Variants in MAPK10 observed in about 807,000 individuals in gnomAD.
MAPK10 encodes the protein mitogen-activated protein kinase 10, also known as JNK3 alpha protein kinase.
MAPK10 carries 25 observed loss-of-function variants against 59.3 expected under a neutral mutation model. The ratio of observed to expected loss-of-function variants is 0.42; its 90% CI spans 0.31 to 0.59. The LOEUF (loss-of-function observed/expected upper bound fraction) is 0.59. Among genes scored for constraint, MAPK10 ranks in the 20% least tolerant of loss-of-function variants. The probability of loss-of-function intolerance (pLI) is 0.15; values close to 1 mark genes in which losing one functional copy is unlikely to be tolerated. For synonymous variants in MAPK10, 190 were observed against 200.5 expected, an observed-to-expected ratio of 0.95 and a Z score of 0.44; for missense variants, 351 against 568.9, an observed-to-expected ratio of 0.62 and a Z score of 3.90.
intron 4 of MAPK10, among the ~76,000 whole-genome samples, chr4:86,130,489 G>A (rs750336844): frequency 3.7e-4 from 57 of 152,034 alleles, no homozygotes; most frequent in Non-Finnish European, 1.9e-4. Context: ...CTTATTTTAA[G>A]GAAATATAGA....
At chr4:86,353,462 C>T (rs1383978596) in intron 2 of MAPK10, among the ~76,000 whole-genome samples, 1 of 152,048 alleles carries the variant, frequency 6.6e-6, no homozygotes, top group Non-Finnish European at 1.5e-5. Flanking sequence ...TATAAAATTG[C>T]CCTTATTTTA....
Position 86,095,945 on chromosome 4 carries a change from A to G in MAPK10, c.802+2579T>C, listed in dbSNP as rs551456075. On this transcript the variant is annotated intron_variant, in intron 9 of 13. Coordinates refer to ENST00000641462, the MANE Select transcript of MAPK10 (RefSeq NM_138982.4). ...TTTCTAACCTATTTCATTGGAAAAT[A>G]TCTACTCATTTTTTGGTAAAATTTA... is the stretch of plus-strand genomic sequence containing the variant. 2.0e-5 allele frequency among the ~76,000 whole-genome samples: 3 copies of G among 151,904 alleles called. No individual in the cohort carries two copies. In the South Asian group the frequency reaches 6.2e-4, roughly 31 times the overall value.
chr4:86,577,506 A>C (rs2149110794), intron 1 of MAPK10, among the ~76,000 whole-genome samples: 1 of 152,278 alleles, frequency 6.6e-6, no homozygotes, highest in Admixed American at 6.5e-5. Context: ...TACATATTAG[A>C]GTAGGAGAAT....
chr4:86,375,713 TAA>T (rs56189009), intron 1 of MAPK10, among the ~76,000 whole-genome samples: 449 of 33,266 alleles, frequency 0.013, 1 homozygote, highest in African/African-American at 0.047. Flanking sequence ...AGGTCCACTC[TAA>T]AAAAAAAAAA....
chr4:86,272,229 G>A (rs2094455246), intron 2 of MAPK10, among the ~76,000 whole-genome samples: 1 of 151,960 alleles, frequency 6.6e-6, no homozygotes. Context: ...CTGAAAACAA[G>A]TCCTTTGTCA....
chr4:86,294,295 A>G (rs2095302688), intron 2 of MAPK10, among the ~76,000 whole-genome samples: 2 of 152,126 alleles, frequency 1.3e-5, no homozygotes, highest in Admixed American at 1.3e-4. Flanking sequence ...ATTGCTCTGC[A>G]CTTGAATCCT....
chr4:86,237,285 G>A (rs573485002), intron 2 of MAPK10, among the ~76,000 whole-genome samples: 7 of 152,144 alleles, frequency 4.6e-5, no homozygotes, highest in South Asian at 4.2e-4. Flanking sequence ...TTCTGTGTCC[G>A]TGCTATTGTA....
chr4:86,444,778 A>C (rs1749832685), intron 1 of MAPK10, among the ~76,000 whole-genome samples: 1 of 152,148 alleles, frequency 6.6e-6, no homozygotes, highest in Admixed American at 6.5e-5. Flanking sequence ...GACACTTCTC[A>C]AAAGAAGACA....
intron 3 of MAPK10, among the ~76,000 whole-genome samples, chr4:86,179,646 C>G (rs1421095629): frequency 6.6e-6 from 1 of 152,084 alleles, no homozygotes; most frequent in African/African-American, 2.4e-5. Flanking sequence ...GGCATAAAAA[C>G]AGACACATAG....
chr4:86,206,808 A>AT (rs1045602500), intron 2 of MAPK10, among the ~76,000 whole-genome samples: 14 of 151,954 alleles, frequency 9.2e-5, no homozygotes, highest in Non-Finnish European at 1.5e-5. Flanking sequence ...GATGATGAGC[A>AT]TTTTTTCATG....
intron 1 of MAPK10, among the ~76,000 whole-genome samples, chr4:86,494,552 A>G (rs985128843): frequency 6.6e-6 from 1 of 152,134 alleles, no homozygotes; most frequent in Non-Finnish European, 1.5e-5. Flanking sequence ...TCTAACTTCA[A>G]AAATGCTTCA....
intron 2 of MAPK10, among the ~76,000 whole-genome samples, chr4:86,291,989 CAT>C (rs2095241801): frequency 1.3e-5 from 2 of 152,148 alleles, no homozygotes; most frequent in Non-Finnish European, 2.9e-5. Context: ...GACTTTTTCT[CAT>C]ATCTTTCTGA....
chr4:86,260,555 G>C (rs746374039), intron 2 of MAPK10, among the ~76,000 whole-genome samples: 32 of 152,046 alleles, frequency 2.1e-4, no homozygotes, highest in Non-Finnish European at 4.1e-4. Flanking sequence ...AAGTTCAAGG[G>C]AGAGTTCTTA....
At chr4:86,468,096 G>A (rs561297387) in intron 1 of MAPK10, among the ~76,000 whole-genome samples, 1 of 152,208 alleles carries the variant, frequency 6.6e-6, no homozygotes, top group Non-Finnish European at 1.5e-5. Flanking sequence ...CTGAATTTTG[G>A]TCAGCCTACA....
rs535021314 is a variant in MAPK10, at chr4:86,566,036, G to T, written c.-263+27874C>A. On this transcript the variant is annotated intron_variant, in intron 1 of 4. Transcript: ENST00000502302. Reference sequence around the variant, plus strand: ...TTGTAGTTTAACTTCTACCTCTTCAGGAAGTCTTTTCCAATCATCTCCCTA... The same window carrying T: ...TTGTAGTTTAACTTCTACCTCTTCATGAAGTCTTTTCCAATCATCTCCCTA... 3.3e-5 allele frequency among the ~76,000 whole-genome samples: 5 copies of T among 152,090 alleles called. No individual in the cohort carries two copies. In the South Asian group the frequency reaches 8.3e-4, roughly 25 times the overall value.
At chr4:86,088,661 A>C (rs1271994485) in intron 9 of MAPK10, among the ~76,000 whole-genome samples, 1 of 152,184 alleles carries the variant, frequency 6.6e-6, no homozygotes, top group Non-Finnish European at 1.5e-5. Flanking sequence ...TATTATTCCC[A>C]TAAATGGAGT....
intron 1 of MAPK10, among the ~76,000 whole-genome samples, chr4:86,581,180 C>A (rs1024588029): frequency 6.6e-6 from 1 of 151,846 alleles, no homozygotes; most frequent in Non-Finnish European, 1.5e-5. Flanking sequence ...TAGAATTGTA[C>A]TAGCAGACAA....
chr4:86,144,907 T>C (rs1046898076), intron 4 of MAPK10, among the ~76,000 whole-genome samples: 1 of 152,120 alleles, frequency 6.6e-6, no homozygotes, highest in African/African-American at 2.4e-5. Flanking sequence ...TACAACTCTA[T>C]GAACACAATT....
chr4:86,316,967 C>T (rs2095800673), intron 2 of MAPK10, among the ~76,000 whole-genome samples: 1 of 152,048 alleles, frequency 6.6e-6, no homozygotes, highest in African/African-American at 2.4e-5. Flanking sequence ...ATTTTTTAAC[C>T]ATGTGCGAGC....
Sources: gnomAD v4.1 joint callset for allele counts (sites outside exome capture counted in the v4.1 genomes callset) on GRCh38, gnomAD v4.1.1 for gene constraint, MANE v1.5 for transcripts, NCBI Gene and HGNC (gene_info 2026-07-23, HGNC 2026-07-21) for gene names.